The following MAGI2 variants were observed in gnomAD, a reference collection of about 807,000 sequenced individuals.
MAGI2 encodes the protein membrane-associated guanylate kinase, WW and PDZ domain-containing protein 2.
In MAGI2, 35 loss-of-function variants were observed where a neutral mutation model predicts 133.3. The ratio of observed to expected loss-of-function variants is 0.26; its 90% CI spans 0.20 to 0.35. MAGI2 has a LOEUF of 0.35. Ranked by LOEUF, MAGI2 falls within the 10% of genes least tolerant of loss-of-function variation. The pLI is 1.00. For missense variants in MAGI2, 1,636 were observed against 1,863.4 expected, an observed-to-expected ratio of 0.88 and a Z score of 2.25; for synonymous variants, 729 against 710.6, an observed-to-expected ratio of 1.03 and a Z score of -0.41.
intron 1 of MAGI2, among the ~76,000 whole-genome samples, chr7:79,013,334 C>T (rs1808369913): frequency 6.6e-6 from 1 of 152,086 alleles, no homozygotes; most frequent in East Asian, 1.9e-4. Flanking sequence ...GACTTCAGAC[C>T]TTATCTTCAT....
chr7:78,747,036 G>A (rs1014345473), intron 2 of MAGI2, among the ~76,000 whole-genome samples: 1 of 152,152 alleles, frequency 6.6e-6, no homozygotes, highest in African/African-American at 2.4e-5. Context: ...TGATAGATCA[G>A]AGGAAATATA....
intron 1 of MAGI2, among the ~76,000 whole-genome samples, chr7:79,148,869 TTATATACATATATATGTTTTATA>T (rs1822907060): frequency 6.8e-6 from 1 of 147,328 alleles, no homozygotes; most frequent in East Asian, 2.0e-4. Context: ...TATGTATGTT[TTATATACATATATATGTTTTATA>T]TATATATGTA....
intron 1 of MAGI2, among the ~76,000 whole-genome samples, chr7:79,037,416 A>C (rs116481816): frequency 6.8e-4 from 103 of 152,276 alleles, no homozygotes; most frequent in African/African-American, 2.2e-3. Context: ...GCACAACCCG[A>C]GTCCTGGAAC....
At chr7:78,565,632 C>T (rs56962989) in intron 3 of MAGI2, among the ~76,000 whole-genome samples, 4,082 of 151,948 alleles carry the variant, frequency 0.027, 201 homozygotes, top group African/African-American at 0.094. Flanking sequence ...ATTTGCTTTT[C>T]GTTTTCTTGT....
At chr7:78,883,239 T>G (rs1361625081) in intron 2 of MAGI2, among the ~76,000 whole-genome samples, 1 of 151,618 alleles carries the variant, frequency 6.6e-6, no homozygotes, top group East Asian at 1.9e-4. Context: ...CAAGACGCAA[T>G]CCCATTTGTA....
chr7:79,018,487 A>G (rs1032178265), intron 1 of MAGI2, among the ~76,000 whole-genome samples: 9 of 152,200 alleles, frequency 5.9e-5, no homozygotes, highest in Admixed American at 3.3e-4. Context: ...CAACCACACA[A>G]ACATGTCTGC....
chr7:79,261,163 A>G (rs1162555626), intron 1 of MAGI2, among the ~76,000 whole-genome samples: 3 of 152,230 alleles, frequency 2.0e-5, no homozygotes, highest in Non-Finnish European at 2.9e-5. Context: ...ATCAACAACC[A>G]AATGGAGCCC....
chr7:78,817,510 A>C (rs1789693117), intron 2 of MAGI2, among the ~76,000 whole-genome samples: 1 of 151,940 alleles, frequency 6.6e-6, no homozygotes, highest in Admixed American at 6.6e-5. Context: ...AAAAATTGTC[A>C]CTCCCATCCC....
intron 2 of MAGI2, among the ~76,000 whole-genome samples, chr7:78,942,697 A>G (rs372710869): frequency 9.9e-5 from 15 of 152,276 alleles, no homozygotes; most frequent in African/African-American, 3.4e-4. Context: ...GGCACAAAAT[A>G]TAACTAAATA....
intron 1 of MAGI2, among the ~76,000 whole-genome samples, chr7:79,051,481 A>G (rs1001230862): frequency 3.9e-5 from 6 of 152,214 alleles, no homozygotes; most frequent in African/African-American, 1.4e-4. Context: ...ATGTGAAACT[A>G]TTTGAAAAAC....
intron 1 of MAGI2, among the ~76,000 whole-genome samples, chr7:79,359,554 T>C (rs1442214888): frequency 6.6e-6 from 1 of 151,608 alleles, no homozygotes; most frequent in Admixed American, 6.6e-5. Context: ...TGCTAAACAT[T>C]TGAAAATTAA....
intron 1 of MAGI2, among the ~76,000 whole-genome samples, chr7:79,287,310 C>T (rs1313890745): frequency 6.6e-6 from 1 of 152,090 alleles, no homozygotes; most frequent in African/African-American, 2.4e-5. Flanking sequence ...CTCCGCAGGG[C>T]TTCTATATCC....
chr7:78,205,078 A>G (rs1035341830), intron 10 of MAGI2, among the ~76,000 whole-genome samples: 2 of 152,220 alleles, frequency 1.3e-5, no homozygotes, highest in Admixed American at 6.5e-5. Context: ...AAGAAAAAAG[A>G]CAACACTGAT....
At chr7:79,248,663 C>T (rs1832991303) in intron 1 of MAGI2, among the ~76,000 whole-genome samples, 1 of 151,966 alleles carries the variant, frequency 6.6e-6, no homozygotes, top group Non-Finnish European at 1.5e-5. Flanking sequence ...AAATATTATC[C>T]AGTATCTCCT....
rs962197293 is a variant in MAGI2, at chr7:79,453,414, G to A, written c.-94C>T. ...GGATGGAGGAGCAAGGGGGCCCAGG[G>A]GGAAGAACAGCAGACTTTGCCTTCG... On this transcript the variant is annotated 5_prime_UTR_variant, in exon 1 of 22. Coordinates refer to ENST00000354212, the MANE Select transcript of MAGI2 (RefSeq NM_012301.4). 2 of 1,508,480 alleles carry A rather than the reference G, an allele frequency of 1.3e-6. No individual in the cohort carries two copies. The highest frequency in any genetic ancestry group is 8.8e-7 in the Non-Finnish European group (1 of 1,134,856). 93.4% of individuals were successfully genotyped at this position (1,508,480 alleles called of 1,614,324 possible). A position where few individuals can be genotyped will look rare whatever the true frequency, so the allele number is the denominator to read the frequency against.
intron 8 of MAGI2, 139 bp downstream of exon 8, chr7:78,345,783 C>T: frequency 8.2e-7 from 1 of 1,217,212 alleles, no homozygotes; most frequent in Non-Finnish European, 1.2e-6. Flanking sequence ...ATGCAAACAT[C>T]CAGCTAAAGC....
intron 6 of MAGI2, among the ~76,000 whole-genome samples, chr7:78,460,547 C>T (rs918029573): frequency 3.3e-5 from 5 of 152,174 alleles, no homozygotes; most frequent in African/African-American, 1.2e-4. Flanking sequence ...ATAACTTAGG[C>T]ACACACTGAG....
rs117226289 is a variant in MAGI2 at position 78,788,853 on chromosome 7, C to T, written c.419-161614G>A. Among the ~76,000 whole-genome samples, 1,293 of 152,266 alleles carry T rather than the reference C, an allele frequency of 8.5e-3. 42 individuals carry two copies. The highest frequency in any genetic ancestry group is 0.05 in the Admixed American group (766 of 15,292). On this transcript the variant is annotated intron_variant, in intron 2 of 21. Coordinates refer to ENST00000354212, the MANE Select transcript of MAGI2 (RefSeq NM_012301.4). ...CAATGATTTAAGTTTTAAAGACCTT[C>T]CCATTACAGCTGACATAAAGTACAA... is the stretch of plus-strand genomic sequence containing the variant.
rs1825777036 is a variant in MAGI2 at position 78,168,001 on chromosome 7, G to T, written c.2511C>A (p.Thr837=). The change falls in exon 15 of 22, where the codon ACC becomes ACA. Residue 837 remains threonine (T), a synonymous_variant. Transcript: ENST00000354212. ...GCATGAGGTCGATGACATAGCGGTG[G>T]GTTTTGCCGGCTACTGGAATCCCAT... ...YVDGIPVAGK[T]HRYVIDLMHH... is the part of the protein sequence containing the mutation. 6.2e-7 allele frequency: 1 copy of T among 1,613,992 alleles called. No individual in the cohort carries two copies. The highest frequency in any genetic ancestry group is 1.7e-5 in the Admixed American group (1 of 59,990).
Sources: allele counts gnomAD v4.1 joint callset (sites outside exome capture counted in the v4.1 genomes callset), GRCh38; gene constraint gnomAD v4.1.1; transcripts MANE v1.5; gene names NCBI Gene and HGNC (gene_info 2026-07-23, HGNC 2026-07-21).